Variants in MAN1A2 observed in about 807,000 individuals in gnomAD.
MAN1A2 encodes mannosidase alpha class 1A member 2.
Under a neutral mutation model 75.7 loss-of-function variants are expected in MAN1A2, and 26 were observed. The observed-to-expected ratio is 0.34, with a 90% CI of 0.25 to 0.48. The LOEUF is 0.48. Ranked by LOEUF, MAN1A2 falls within the 20% of genes least tolerant of loss-of-function variation. MAN1A2 has a pLI of 0.99. For missense variants in MAN1A2, 562 were observed against 775.5 expected (o/e 0.72, Z 3.27); for synonymous variants, 247 against 264.6 (o/e 0.93, Z 0.65).
chr1:117,440,105 T>C (rs1233157168), intron 5 of MAN1A2, among the ~76,000 whole-genome samples: 1 of 152,224 alleles, frequency 6.6e-6, no homozygotes, highest in African/African-American at 2.4e-5. Context: ...GGTAGTCCTT[T>C]GTAGGCTGCT....
intron 8 of MAN1A2, among the ~76,000 whole-genome samples, chr1:117,491,049 G>A (rs1296316301): frequency 6.6e-6 from 1 of 152,004 alleles, no homozygotes; most frequent in Non-Finnish European, 1.5e-5. Flanking sequence ...AAACATAAAG[G>A]TGACAGGTGA....
chr1:117,508,515 TAAG>T (rs1157797710), intron 12 of MAN1A2, among the ~76,000 whole-genome samples: 2 of 151,766 alleles, frequency 1.3e-5, no homozygotes, highest in African/African-American at 4.8e-5. Context: ...GAAAGCTATA[TAAG>T]AATATGTCTT....
chr1:117,422,043 T>C (rs1648217771), intron 5 of MAN1A2, among the ~76,000 whole-genome samples: 1 of 152,094 alleles, frequency 6.6e-6, no homozygotes, highest in African/African-American at 2.4e-5. Context: ...GTGAATTAAT[T>C]GTTATTTTTA....
chr1:117,484,643 T>A (rs1253971568), intron 8 of MAN1A2, among the ~76,000 whole-genome samples: 1 of 152,034 alleles, frequency 6.6e-6, no homozygotes, highest in Non-Finnish European at 1.5e-5. Context: ...TCTGTGAAAT[T>A]ATTACAGTAG....
At chr1:117,393,777 G>T (rs569105768) in intron 1 of MAN1A2, among the ~76,000 whole-genome samples, 55 of 152,076 alleles carry the variant, frequency 3.6e-4, no homozygotes, top group African/African-American at 1.3e-3. Context: ...TCTTTAAAGG[G>T]CTCTCATATT....
intron 6 of MAN1A2, among the ~76,000 whole-genome samples, chr1:117,451,059 C>CT (rs1426280045): frequency 6.6e-6 from 1 of 152,188 alleles, no homozygotes; most frequent in African/African-American, 2.4e-5. Context: ...CCTGGAAAAG[C>CT]TGTACTCAAT....
intron 5 of MAN1A2, among the ~76,000 whole-genome samples, chr1:117,431,653 A>G (rs1013824850): frequency 1.3e-5 from 2 of 152,324 alleles, no homozygotes; most frequent in Middle Eastern, 3.4e-3. Flanking sequence ...AAAGTTAGAA[A>G]TAGTACAGAG....
At chr1:117,387,228 A>C (rs1437895742) in intron 1 of MAN1A2, among the ~76,000 whole-genome samples, 3 of 151,646 alleles carry the variant, frequency 2.0e-5, no homozygotes, top group Non-Finnish European at 2.9e-5. Flanking sequence ...AAAAAAAAAA[A>C]AAAAAAACAA....
At chr1:117,433,891 A>C (rs889170594) in intron 5 of MAN1A2, among the ~76,000 whole-genome samples, 2 of 152,162 alleles carry the variant, frequency 1.3e-5, no homozygotes, top group African/African-American at 4.8e-5. Context: ...CCTAATTTGC[A>C]TACTACCTGA....
chr1:117,453,147 T>A (rs1453471414), intron 6 of MAN1A2, among the ~76,000 whole-genome samples: 1 of 152,196 alleles, frequency 6.6e-6, no homozygotes, highest in Non-Finnish European at 1.5e-5. Context: ...ATTGACAGCG[T>A]ACCTGGTCAC....
rs1182627041 is a variant in MAN1A2 at position 117,367,754 on chromosome 1, AAGG to A, written c.-427_-425del. On this transcript the variant is annotated 5_prime_UTR_variant, in exon 1 of 13. Coordinates refer to ENST00000356554, the MANE Select transcript of MAN1A2 (RefSeq NM_006699.5). ...AAGAGATTCTGGAATAGAAGCGTCGAAGGAGATCAAGTGAACCTTCTACAACTC... is the reference window on the plus strand; with the variant it reads ...AAGAGATTCTGGAATAGAAGCGTCGAAGATCAAGTGAACCTTCTACAACTC... 6.3e-6 allele frequency: 1 copy of A among 159,866 alleles called. No homozygotes were observed. The highest frequency in any genetic ancestry group is 1.4e-5 in the Non-Finnish European group (1 of 73,328). The allele number at this position is 159,866 out of a possible 1,614,324, so 9.9% of individuals were successfully genotyped here.
At chr1:117,484,053 T>C (rs1650587423) in intron 8 of MAN1A2, among the ~76,000 whole-genome samples, 1 of 151,920 alleles carries the variant, frequency 6.6e-6, no homozygotes, top group African/African-American at 2.4e-5. Flanking sequence ...ACCAACCCCT[T>C]GTGTAATCAA....
At chr1:117,386,000 C>G (rs1441464737) in intron 1 of MAN1A2, among the ~76,000 whole-genome samples, 1 of 152,098 alleles carries the variant, frequency 6.6e-6, no homozygotes, top group Non-Finnish European at 1.5e-5. Flanking sequence ...TATATAGTAC[C>G]AGCCATAGCA....
intron 5 of MAN1A2, among the ~76,000 whole-genome samples, chr1:117,433,186 A>C (rs1360466570): frequency 6.6e-6 from 1 of 152,060 alleles, no homozygotes; most frequent in Non-Finnish European, 1.5e-5. Context: ...AAAACCTGAA[A>C]TGCTCCAAAA....
At chr1:117,479,976 G>C (rs1650443103) in intron 8 of MAN1A2, among the ~76,000 whole-genome samples, 1 of 151,812 alleles carries the variant, frequency 6.6e-6, no homozygotes, top group African/African-American at 2.4e-5. Context: ...AGATCTTCCT[G>C]AGTACTCTAC....
At chr1:117,456,802 A>C (rs775864716) in intron 6 of MAN1A2, among the ~76,000 whole-genome samples, 2 of 152,076 alleles carry the variant, frequency 1.3e-5, no homozygotes, top group Non-Finnish European at 2.9e-5. Flanking sequence ...TTAAATAATC[A>C]TCCAGTTTAG....
chr1:117,460,418 C>T, intron 6 of MAN1A2, 71 bp from the exon 7 acceptor site: 4 of 1,034,106 alleles, frequency 3.9e-6, no homozygotes, highest in Non-Finnish European at 5.8e-6. Context: ...TTAAAATTTA[C>T]ATATTCATTA....
intron 11 of MAN1A2, among the ~76,000 whole-genome samples, chr1:117,500,212 GTTC>G (rs1651157830): frequency 6.6e-6 from 1 of 151,806 alleles, no homozygotes. Context: ...CAAATCAAAG[GTTC>G]TTAGTTGTTC....
intron 11 of MAN1A2, among the ~76,000 whole-genome samples, chr1:117,500,363 C>G (rs555506647): frequency 1.3e-5 from 2 of 151,986 alleles, no homozygotes; most frequent in South Asian, 4.1e-4. Context: ...CCCTTCAGAT[C>G]TTACTTTTCT....
Sources: gnomAD v4.1 joint callset for allele counts (sites outside exome capture counted in the v4.1 genomes callset) on GRCh38, gnomAD v4.1.1 for gene constraint, MANE v1.5 for transcripts, NCBI Gene and HGNC (gene_info 2026-07-23, HGNC 2026-07-21) for gene names.